The following SORBS2 variants were observed in gnomAD, a reference collection of about 807,000 sequenced individuals.
SORBS2 encodes sorbin and SH3 domain-containing protein 2.
Under a neutral mutation model 97.7 loss-of-function variants are expected in SORBS2, and 46 were observed. The ratio of observed to expected loss-of-function variants is 0.47; its 90% CI spans 0.37 to 0.60. The LOEUF is 0.60. Ranked by LOEUF, SORBS2 falls within the 20% of genes least tolerant of loss-of-function variation. The pLI is 0.00. For synonymous variants in SORBS2, 476 were observed against 473.4 expected, an observed-to-expected ratio of 1.01 and a Z score of -0.07; for missense variants, 1,316 against 1,282.3, an observed-to-expected ratio of 1.03 and a Z score of -0.40.
chr4:185,678,369 G>C (rs997988685), intron 4 of SORBS2, 54 bp downstream of exon 7: 14 of 1,438,066 alleles, frequency 9.7e-6, no homozygotes, highest in Non-Finnish European at 1.1e-5. Flanking sequence ...TGTAAGCAGT[G>C]GTCTAATAAT....
intron 4 of SORBS2, among the ~76,000 whole-genome samples, chr4:185,643,065 T>A (rs1349587969): frequency 6.6e-6 from 1 of 152,206 alleles, no homozygotes; most frequent in African/African-American, 2.4e-5. Flanking sequence ...GGTGTTGGGA[T>A]ACAACTGGTG....
intron 1 of SORBS2, among the ~76,000 whole-genome samples, chr4:185,817,902 T>C (rs2099194241): frequency 6.6e-6 from 1 of 152,190 alleles, no homozygotes; most frequent in Non-Finnish European, 1.5e-5. Context: ...TTCAGTAAGA[T>C]TCATTGGTCA....
chr4:185,754,006 C>T (rs1436084594), intron 2 of SORBS2, among the ~76,000 whole-genome samples: 1 of 152,112 alleles, frequency 6.6e-6, no homozygotes, highest in Non-Finnish European at 1.5e-5. Context: ...CGCATATATT[C>T]ATTGCAGCAT....
At chr4:185,703,909 C>T (rs752180532) in intron 2 of SORBS2, among the ~76,000 whole-genome samples, 8 of 152,160 alleles carry the variant, frequency 5.3e-5, no homozygotes, top group Non-Finnish European at 1.2e-4. Flanking sequence ...AAAAAGGCAA[C>T]GTATTTTCCT....
intron 2 of SORBS2, among the ~76,000 whole-genome samples, chr4:185,760,446 C>T (rs2098872230): frequency 6.6e-6 from 1 of 152,178 alleles, no homozygotes; most frequent in Non-Finnish European, 1.5e-5. Context: ...ACCTGTAATA[C>T]CAGCTTCTCA....
At chr4:185,662,268 T>C (rs766616828) in intron 4 of SORBS2, 26 bp from the exon 8 acceptor site, 1 of 1,574,372 alleles carries the variant, frequency 6.4e-7, no homozygotes. Flanking sequence ...AGGCATCGAG[T>C]TAAATTAGCA....
chr4:185,599,011 G>T (rs1019835386), intron 12 of SORBS2, among the ~76,000 whole-genome samples: 5 of 152,192 alleles, frequency 3.3e-5, no homozygotes, highest in African/African-American at 1.2e-4. Flanking sequence ...ATTCGGGGGA[G>T]TCTAAGAGTC....
chr4:185,755,588 A>G (rs1193445353), intron 2 of SORBS2, among the ~76,000 whole-genome samples: 3 of 152,226 alleles, frequency 2.0e-5, no homozygotes, highest in African/African-American at 7.2e-5. Context: ...CAGGCATAGC[A>G]GGAGACAGCA....
At chr4:185,637,231 A>G (rs1456588949) in intron 4 of SORBS2, among the ~76,000 whole-genome samples, 1 of 152,222 alleles carries the variant, frequency 6.6e-6, no homozygotes, top group Admixed American at 6.5e-5. Context: ...TTCTATGTTT[A>G]GATATGTTTA....
At chr4:185,817,975 G>T in intron 1 of SORBS2, among the ~76,000 whole-genome samples, 1 of 152,202 alleles carries the variant, frequency 6.6e-6, no homozygotes. Flanking sequence ...AGGATCCAAC[G>T]GTCCAACAAC....
At chr4:185,815,694 G>T (rs1354001272) in intron 1 of SORBS2, among the ~76,000 whole-genome samples, 1 of 152,020 alleles carries the variant, frequency 6.6e-6, no homozygotes, top group Non-Finnish European at 1.5e-5. Flanking sequence ...TATCTATCTA[G>T]CTTCTATTTT....
intron 4 of SORBS2, 24 bp from the exon 17 acceptor site, chr4:185,630,622 C>T (rs200552321): frequency 6.5e-7 from 1 of 1,541,566 alleles, no homozygotes; most frequent in African/African-American, 1.4e-5. Context: ...ATAATAGTAC[C>T]ATGAAAAATT....
Position 185,859,728 on chromosome 4 carries a change from C to A in SORBS2, c.-337-84362G>T, listed in dbSNP as rs558577115. Among the ~76,000 whole-genome samples the A allele has an allele frequency of 3.9e-5, 6 of 152,234 alleles. No individual in the cohort carries two copies. In the South Asian group the frequency reaches 1.2e-3, roughly 32 times the overall value. On this transcript the variant is annotated intron_variant, in intron 1 of 20. Coordinates refer to the SORBS2 transcript ENST00000284776. Reference sequence around the variant, plus strand: ...ATTTTTAAGTCACCTTTGTTTCTCACCGCCCAGGGCACAATGGGTGACCTA... The same window carrying A: ...ATTTTTAAGTCACCTTTGTTTCTCAACGCCCAGGGCACAATGGGTGACCTA...
At chr4:185,941,869 A>G (rs1328173106) in intron 1 of SORBS2, among the ~76,000 whole-genome samples, 1 of 152,240 alleles carries the variant, frequency 6.6e-6, no homozygotes, top group African/African-American at 2.4e-5. Context: ...TAATCTCAGT[A>G]CTTTGGGAGG....
intron 2 of SORBS2, among the ~76,000 whole-genome samples, chr4:185,731,385 A>T (rs2098623428): frequency 6.6e-6 from 1 of 152,006 alleles, no homozygotes; most frequent in Non-Finnish European, 1.5e-5. Context: ...CTTGGAATTT[A>T]TTTTTTCAGT....
chr4:185,699,504 C>A (rs900383775), intron 2 of SORBS2, among the ~76,000 whole-genome samples: 1 of 152,096 alleles, frequency 6.6e-6, no homozygotes, highest in Admixed American at 6.5e-5. Flanking sequence ...CCACACTGGT[C>A]TCGAACTCTT....
At chr4:185,832,083 G>A (rs2047500) in intron 1 of SORBS2, among the ~76,000 whole-genome samples, 38,501 of 152,068 alleles carry the variant, frequency 0.25, 6,255 homozygotes, top group Middle Eastern at 0.36. Flanking sequence ...TGAAACTTAC[G>A]AATATTAGTT....
intron 1 of SORBS2, among the ~76,000 whole-genome samples, chr4:185,783,168 A>G (rs2099039407): frequency 6.6e-6 from 1 of 152,238 alleles, no homozygotes; most frequent in African/African-American, 2.4e-5. Flanking sequence ...AGCCCAATGA[A>G]GGACAGTTGA....
chr4:185,621,330 A>AT (rs1442732034), intron 7 of SORBS2, among the ~76,000 whole-genome samples: 1 of 152,130 alleles, frequency 6.6e-6, no homozygotes, highest in East Asian at 1.9e-4. Flanking sequence ...AATATAAGCT[A>AT]TTTTTCACTT....
Sources: allele counts gnomAD v4.1 joint callset (sites outside exome capture counted in the v4.1 genomes callset), GRCh38; gene constraint gnomAD v4.1.1; transcripts MANE v1.5; gene names NCBI Gene and HGNC (gene_info 2026-07-23, HGNC 2026-07-21).